SGMS1: variants seen among roughly 807,000 people sequenced by gnomAD.
SGMS1 encodes the protein sphingomyelin synthase 1.
Under a neutral mutation model 46.2 loss-of-function variants are expected in SGMS1, and 13 were observed. The observed-to-expected ratio is 0.28, with a 90% CI of 0.18 to 0.45. The LOEUF is 0.45. Among genes scored for constraint, SGMS1 ranks in the 20% least tolerant of loss-of-function variants. SGMS1 has a pLI of 1.00. For missense variants in SGMS1, 324 were observed against 519.9 expected, an observed-to-expected ratio of 0.62 and a Z score of 3.66; for synonymous variants, 203 against 187.8, an observed-to-expected ratio of 1.08 and a Z score of -0.66.
At chr10:50,400,395 GCATATATATATATATATATATATATATAT>G (rs1401097813) in intron 6 of SGMS1, among the ~76,000 whole-genome samples, 1 of 48,604 alleles carries the variant, frequency 2.1e-5, no homozygotes, top group African/African-American at 6.6e-5. Flanking sequence ...ACACATCCTG[GCATATATATATATATATATATATATATAT>G]ATATATATAT....
intron 6 of SGMS1, among the ~76,000 whole-genome samples, chr10:50,380,959 T>C (rs1190291845): frequency 7.9e-5 from 12 of 151,142 alleles, no homozygotes. Context: ...GCCTCCTGAG[T>C]AGCTGGGACC....
At chr10:50,603,288 T>C (rs1374141074) in intron 1 of SGMS1, among the ~76,000 whole-genome samples, 3 of 152,254 alleles carry the variant, frequency 2.0e-5, no homozygotes, top group Non-Finnish European at 4.4e-5. Flanking sequence ...TTGGTTCCAT[T>C]GCTGGTGAGA....
chr10:50,430,173 TAACTGAATGAGTGCACCA>T (rs1186138311), intron 6 of SGMS1, among the ~76,000 whole-genome samples: 2 of 152,142 alleles, frequency 1.3e-5, no homozygotes, highest in East Asian at 3.8e-4. Flanking sequence ...CTCATCCAGA[TAACTGAATGAGTGCACCA>T]TGATGTTACC....
At chr10:50,309,659 G>C (rs1344382706) in intron 9 of SGMS1, among the ~76,000 whole-genome samples, 1 of 152,144 alleles carries the variant, frequency 6.6e-6, no homozygotes, top group Non-Finnish European at 1.5e-5. Context: ...AACAGATCTT[G>C]CTAGAACTCA....
upstream of SGMS1, chr10:50,624,081 C>T (rs1226815407): frequency 4.1e-6 from 4 of 985,212 alleles, no homozygotes; most frequent in African/African-American, 3.5e-5. Context: ...GGGGGCTCCT[C>T]CCGGGACCGA....
chr10:50,449,767 C>A (rs1292048386), intron 5 of SGMS1, among the ~76,000 whole-genome samples: 1 of 152,046 alleles, frequency 6.6e-6, no homozygotes, highest in African/African-American at 2.4e-5. Context: ...CCCTGATCAC[C>A]ACTTAGCATA....
chr10:50,542,390 T>C (rs1435900691), intron 2 of SGMS1, among the ~76,000 whole-genome samples: 1 of 152,156 alleles, frequency 6.6e-6, no homozygotes, highest in Non-Finnish European at 1.5e-5. Context: ...ATATTATTCT[T>C]AGACATTTGT....
chr10:50,406,217 T>C (rs1055830685), intron 6 of SGMS1, among the ~76,000 whole-genome samples: 5 of 152,214 alleles, frequency 3.3e-5, no homozygotes, highest in African/African-American at 1.2e-4. Context: ...TTCCATTTGC[T>C]AGCTGACATG....
intron 3 of SGMS1, among the ~76,000 whole-genome samples, chr10:50,488,779 C>A (rs1462012721): frequency 6.6e-6 from 1 of 152,142 alleles, no homozygotes; most frequent in Non-Finnish European, 1.5e-5. Context: ...GTAAGAAATG[C>A]AAATCCCTCA....
chr10:50,516,974 A>G (rs1837812230), intron 3 of SGMS1, among the ~76,000 whole-genome samples: 2 of 152,178 alleles, frequency 1.3e-5, no homozygotes, highest in South Asian at 4.1e-4. Context: ...GGAGGTAACT[A>G]TGAATACCAG....
chr10:50,486,453 TAAAC>T (rs1209387674), intron 3 of SGMS1, among the ~76,000 whole-genome samples: 1 of 152,020 alleles, frequency 6.6e-6, no homozygotes, highest in Non-Finnish European at 1.5e-5. Context: ...ACAAGGAACT[TAAAC>T]AAATTCACAA....
chr10:50,328,372 GT>G (rs1847562473), intron 7 of SGMS1, among the ~76,000 whole-genome samples: 1 of 152,160 alleles, frequency 6.6e-6, no homozygotes, highest in Admixed American at 6.5e-5. Context: ...CAGTGGGCAG[GT>G]GTTCCTCTTA....
intron 6 of SGMS1, among the ~76,000 whole-genome samples, chr10:50,392,077 G>A (rs764850087): frequency 2.6e-5 from 4 of 151,746 alleles, no homozygotes; most frequent in Non-Finnish European, 4.4e-5. Context: ...ACTACCTGTC[G>A]AGTACTATAC....
chr10:50,508,812 A>T (rs1548256), intron 3 of SGMS1, among the ~76,000 whole-genome samples: 79,032 of 152,022 alleles, frequency 0.52, 20,872 homozygotes, highest in Admixed American at 0.64. Context: ...AAATTCTGCT[A>T]ACACATTAAG....
chr10:50,465,653 G>C (rs555431394), intron 4 of SGMS1, among the ~76,000 whole-genome samples: 2 of 152,172 alleles, frequency 1.3e-5, no homozygotes, highest in African/African-American at 4.8e-5. Context: ...GATCAAACTA[G>C]TAGGTGAAAA....
At chr10:50,331,221 T>C (rs543564518) in intron 7 of SGMS1, among the ~76,000 whole-genome samples, 1 of 152,326 alleles carries the variant, frequency 6.6e-6, no homozygotes, top group South Asian at 2.1e-4. Context: ...AAAGTTCTCT[T>C]ATATACCAAG....
At chr10:50,511,418 C>T (rs1046212333) in intron 3 of SGMS1, among the ~76,000 whole-genome samples, 1 of 152,124 alleles carries the variant, frequency 6.6e-6, no homozygotes, top group South Asian at 2.1e-4. Flanking sequence ...TTCTGTGGGA[C>T]CAGGTCATCC....
chr10:50,622,310 T>C (rs969120537), intron 1 of SGMS1, among the ~76,000 whole-genome samples: 1 of 152,062 alleles, frequency 6.6e-6, no homozygotes, highest in Admixed American at 6.5e-5. Flanking sequence ...GCCAACCCCT[T>C]TCCATCTGGG....
upstream of SGMS1, chr10:50,624,032 C>T: frequency 3.0e-6 from 3 of 985,504 alleles, no homozygotes; most frequent in African/African-American, 5.2e-5. Context: ...CGGGTGTTCA[C>T]TGCGGCCGGG....
Sources: allele counts gnomAD v4.1 joint callset (sites outside exome capture counted in the v4.1 genomes callset), GRCh38; gene constraint gnomAD v4.1.1; transcripts MANE v1.5; gene names NCBI Gene and HGNC (gene_info 2026-07-23, HGNC 2026-07-21).